Variants in PTPRG observed in about 807,000 individuals in gnomAD.
The protein encoded by PTPRG is receptor-type tyrosine-protein phosphatase gamma.
PTPRG carries 102 observed loss-of-function variants against 165.3 expected under a neutral mutation model. That is an observed-to-expected ratio of 0.62 (90% CI 0.53 to 0.73). The LOEUF (loss-of-function observed/expected upper bound fraction) is 0.73, where lower values mean the gene tolerates loss of function less well. Ranked by LOEUF, PTPRG falls within the 30% of genes least tolerant of loss-of-function variation. The pLI is 0.00. For missense variants in PTPRG, 1,866 were observed against 1,861.4 expected, an observed-to-expected ratio of 1.00 and a Z score of -0.05; for synonymous variants, 675 against 669.5, an observed-to-expected ratio of 1.01 and a Z score of -0.13.
Position 61,715,115 on chromosome 3 carries a change from G to A in PTPRG, c.86-33763G>A, listed in dbSNP as rs2031746641. Among the ~76,000 whole-genome samples, 4 of 152,036 alleles carry A rather than the reference G, an allele frequency of 2.6e-5. 1 individual carries two copies. Among genetic ancestry groups the A allele is most frequent in the Non-Finnish European group, 1.5e-5 (1 of 68,018 alleles). ...TAGAGGACAGCATACTTAAAGCCGG[G>A]ATGGTCTGGTCATAGGTACAGCTTC... On this transcript the variant is annotated intron_variant, in intron 1 of 29. Transcript: ENST00000474889.
intron 9 of PTPRG, among the ~76,000 whole-genome samples, chr3:62,192,689 G>A (rs1699867577): frequency 6.6e-6 from 1 of 152,050 alleles, no homozygotes; most frequent in Non-Finnish European, 1.5e-5. Context: ...GGGATTACAG[G>A]CGTGAGCCAC....
intron 4 of PTPRG, among the ~76,000 whole-genome samples, chr3:62,067,558 A>G (rs945132663): frequency 4.6e-5 from 7 of 152,148 alleles, no homozygotes; most frequent in Admixed American, 2.0e-4. Flanking sequence ...TACAATGTAT[A>G]ATTGTATAAT....
chr3:61,732,666 T>G (rs966115115), intron 1 of PTPRG, among the ~76,000 whole-genome samples: 1 of 151,600 alleles, frequency 6.6e-6, no homozygotes, highest in Non-Finnish European at 1.5e-5. Flanking sequence ...CCAAGATCAC[T>G]CCACTGCACT....
intron 5 of PTPRG, chr3:62,124,749 A>G (rs1703224243): frequency 2.2e-5 from 11 of 501,984 alleles, no homozygotes; most frequent in South Asian, 1.7e-4. Context: ...ATTCTTTTCT[A>G]GAGATGTTGT....
chr3:62,220,472 A>G lies in PTPRG; in HGVS notation c.2288+1489A>G, dbSNP rs574201442. 9.1e-4 allele frequency among the ~76,000 whole-genome samples: 139 copies of G among 152,164 alleles called. 2 individuals carry two copies. The highest frequency in any genetic ancestry group is 8.9e-3 in the Admixed American group (136 of 15,284). ...GTGAGAATTCATTGTGTATAGATCT[A>G]TTTTGAAGGTGGGAGCAACAGAATC... On this transcript the variant is annotated intron_variant, in intron 13 of 29. Coordinates refer to ENST00000474889, the MANE Select transcript of PTPRG (RefSeq NM_002841.4).
intron 2 of PTPRG, among the ~76,000 whole-genome samples, chr3:61,870,753 C>T (rs902974443): frequency 6.6e-6 from 1 of 151,456 alleles, no homozygotes; most frequent in Non-Finnish European, 1.5e-5. Flanking sequence ...TAAGTGTTGT[C>T]TGTATAAATG....
At chr3:62,231,023 G>A (rs1241551170) in intron 13 of PTPRG, among the ~76,000 whole-genome samples, 1 of 152,172 alleles carries the variant, frequency 6.6e-6, no homozygotes, top group East Asian at 1.9e-4. Flanking sequence ...AGTTCCCACT[G>A]GGTATTTCTT....
intron 2 of PTPRG, among the ~76,000 whole-genome samples, chr3:61,928,695 A>G (rs2039285912): frequency 6.6e-6 from 1 of 152,120 alleles, no homozygotes; most frequent in Non-Finnish European, 1.5e-5. Flanking sequence ...TTCAGTTTTT[A>G]CTTCTGTTTT....
At position 61,644,637 on chromosome 3, in the gene PTPRG, T is replaced by C. The variant is rs575336524; in HGVS notation, c.85+82265T>C. ...CTATCCGAAATAGGACTAGTTTGGC[T>C]TTTGTTAACTGGAAGAAATCATTGA... is the stretch of plus-strand genomic sequence containing the variant. On this transcript the variant is annotated intron_variant, in intron 1 of 29. Transcript: ENST00000474889. Among the ~76,000 whole-genome samples, 3 of 152,320 alleles carry C rather than the reference T, an allele frequency of 2.0e-5. No individual in the cohort carries two copies. The East Asian group carries it at 5.8e-4, about 29-fold the overall frequency.
intron 2 of PTPRG, among the ~76,000 whole-genome samples, chr3:61,766,911 C>G (rs138512589): frequency 6.6e-6 from 1 of 151,796 alleles, no homozygotes; most frequent in Non-Finnish European, 1.5e-5. Flanking sequence ...TGAGCCATCG[C>G]GCCCAGCCCA....
intron 1 of PTPRG, among the ~76,000 whole-genome samples, chr3:61,672,439 T>C (rs1312336894): frequency 0.01 from 1,295 of 129,460 alleles, no homozygotes; most frequent in Non-Finnish European, 0.01. Flanking sequence ...CATTGAGCAC[T>C]GAGTGAATGA....
chr3:62,181,457 C>G (rs1477041359), intron 8 of PTPRG, among the ~76,000 whole-genome samples: 1 of 151,980 alleles, frequency 6.6e-6, no homozygotes, highest in African/African-American at 2.4e-5. Flanking sequence ...TTTCCTCTTT[C>G]CTCTATAAAC....
chr3:61,569,159 T>C (rs765635731), intron 1 of PTPRG, among the ~76,000 whole-genome samples: 4 of 152,200 alleles, frequency 2.6e-5, no homozygotes, highest in Non-Finnish European at 5.9e-5. Flanking sequence ...GAAAAATCTT[T>C]TAGGAGCCTG....
At chr3:62,161,655 T>G (rs1704766016) in intron 7 of PTPRG, among the ~76,000 whole-genome samples, 1 of 152,210 alleles carries the variant, frequency 6.6e-6, no homozygotes, top group Non-Finnish European at 1.5e-5. Context: ...GTTAAGTCCT[T>G]TTCCTTCTAT....
At chr3:61,784,926 C>G (rs1198540069) in intron 2 of PTPRG, among the ~76,000 whole-genome samples, 1 of 152,106 alleles carries the variant, frequency 6.6e-6, no homozygotes, top group East Asian at 1.9e-4. Context: ...AAGGTCGTAA[C>G]CCAGCAGTGA....
At chr3:62,094,941 C>A (rs2106808021) in intron 5 of PTPRG, among the ~76,000 whole-genome samples, 1 of 152,354 alleles carries the variant, frequency 6.6e-6, no homozygotes, top group Non-Finnish European at 1.5e-5. Context: ...GTTGTATCCA[C>A]AGGCCGACTG....
intron 1 of PTPRG, among the ~76,000 whole-genome samples, chr3:61,718,211 A>G (rs2031896035): frequency 8.0e-6 from 1 of 125,468 alleles, no homozygotes; most frequent in Non-Finnish European, 1.8e-5. Flanking sequence ...AAAAACAAAA[A>G]CCAAAAAAAA....
intron 1 of PTPRG, among the ~76,000 whole-genome samples, chr3:61,592,954 A>T (rs945128845): frequency 6.6e-6 from 1 of 152,022 alleles, no homozygotes; most frequent in Non-Finnish European, 1.5e-5. Flanking sequence ...TGGGCAGGCA[A>T]AAACAATATA....
chr3:61,936,562 C>T (rs960576390), intron 2 of PTPRG, among the ~76,000 whole-genome samples: 1 of 152,066 alleles, frequency 6.6e-6, no homozygotes, highest in African/African-American at 2.4e-5. Flanking sequence ...GAGCTGTGCT[C>T]GGTCTGCTGG....
Sources: gnomAD v4.1 joint callset for allele counts (sites outside exome capture counted in the v4.1 genomes callset) on GRCh38, gnomAD v4.1.1 for gene constraint, MANE v1.5 for transcripts, NCBI Gene and HGNC (gene_info 2026-07-23, HGNC 2026-07-21) for gene names.